MAP2K5: variants seen among roughly 807,000 people sequenced by gnomAD.
The protein encoded by MAP2K5 is mitogen-activated protein kinase kinase 5.
A neutral mutation model predicts 83.1 loss-of-function variants in MAP2K5; 49 were observed. That is an observed-to-expected ratio of 0.59 (90% CI 0.47 to 0.75). The LOEUF is 0.75. Ranked by LOEUF, MAP2K5 falls within the 30% of genes least tolerant of loss-of-function variation. The pLI, the probability that MAP2K5 is intolerant of heterozygous loss-of-function variation, is 0.00. For synonymous variants in MAP2K5, 202 were observed against 191.8 expected (o/e 1.05, Z -0.44); for missense variants, 457 against 557.5 (o/e 0.82, Z 1.82).
At chr15:67,797,902 C>T (rs2090632904) in intron 21 of MAP2K5, among the ~76,000 whole-genome samples, 1 of 152,100 alleles carries the variant, frequency 6.6e-6, no homozygotes, top group African/African-American at 2.4e-5. Context: ...AGGCTGGTCT[C>T]GAACTCCTGA....
At chr15:67,557,760 A>G (rs1262243898) in intron 2 of MAP2K5, among the ~76,000 whole-genome samples, 3 of 152,192 alleles carry the variant, frequency 2.0e-5, no homozygotes, top group Admixed American at 6.5e-5. Flanking sequence ...AGCCATGACA[A>G]TCTTGTTAAG....
At chr15:67,547,487 G>A (rs1054873577) in intron 1 of MAP2K5, among the ~76,000 whole-genome samples, 1 of 136,742 alleles carries the variant, frequency 7.3e-6, no homozygotes, top group Non-Finnish European at 1.5e-5. Flanking sequence ...ACAGAGTCTC[G>A]CTTTGTTGCC....
chr15:67,629,202 A>G, intron 8 of MAP2K5: 2 of 655,100 alleles, frequency 3.1e-6, no homozygotes. Flanking sequence ...GCTACAGGTT[A>G]CAACAGATTT....
rs1245323740 is a variant in MAP2K5, at chr15:67,572,346, G to T, written c.253-8408G>T. ...ATGATCATATCTCATATTGTCAGAG[G>T]CATTTGAGCCATAGCAACTCTGTTA... On this transcript the variant is annotated intron_variant, in intron 3 of 21. Transcript: ENST00000178640. This position sits in a 1 kb window ranked among gnomAD's most constrained non-coding sequence, Gnocchi z 4.2. Among the ~76,000 whole-genome samples, 2 of 152,136 alleles carry T rather than the reference G, an allele frequency of 1.3e-5. No individual in the cohort carries two copies. Among genetic ancestry groups the T allele is most frequent in the African/African-American group, 2.4e-5 (1 of 41,434 alleles).
At chr15:67,788,514 A>T (rs944854952) in intron 21 of MAP2K5, among the ~76,000 whole-genome samples, 1 of 152,240 alleles carries the variant, frequency 6.6e-6, no homozygotes, top group African/African-American at 2.4e-5. Context: ...TACCCACTGC[A>T]TGGAAAGGGG....
chr15:67,685,591 CATT>C (rs2087933855), intron 13 of MAP2K5, among the ~76,000 whole-genome samples: 1 of 151,820 alleles, frequency 6.6e-6, no homozygotes, highest in South Asian at 2.1e-4. Context: ...AAAATAAAGA[CATT>C]ATATTATGGA....
At position 67,677,759 on chromosome 15, in the gene MAP2K5, CTT is replaced by C. The variant is rs1289091275; in HGVS notation, c.847+13117_847+13118del. 6.6e-6 allele frequency among the ~76,000 whole-genome samples: 1 copy of C among 152,152 alleles called. No individual in the cohort carries two copies. Among genetic ancestry groups the C allele is most frequent in the Non-Finnish European group, 1.5e-5 (1 of 68,028 alleles). Reference sequence around the variant, plus strand: ...GATTCACCACTTTAGAAGGAAATCTCTTTTACTTACTATGAAAGGATTAAGAG... The same window carrying C: ...GATTCACCACTTTAGAAGGAAATCTCTTACTTACTATGAAAGGATTAAGAG... On this transcript the variant is annotated intron_variant, in intron 13 of 21. Coordinates refer to ENST00000178640, the MANE Select transcript of MAP2K5 (RefSeq NM_145160.3). The surrounding 1 kb of genome is among the most constrained non-coding windows in gnomAD (Gnocchi z 4.2).
chr15:67,547,074 G>T (rs977516353), intron 1 of MAP2K5, among the ~76,000 whole-genome samples: 1 of 9,448 alleles, frequency 1.1e-4, no homozygotes, highest in South Asian at 3.9e-3. Context: ...CAAAAAAGAA[G>T]AAAACACACA....
intron 13 of MAP2K5, among the ~76,000 whole-genome samples, chr15:67,687,555 T>C (rs1194535571): frequency 6.6e-6 from 1 of 152,202 alleles, no homozygotes; most frequent in Admixed American, 6.5e-5. Flanking sequence ...CAGCACCTAG[T>C]ACCATATCTG....
Position 67,702,144 on chromosome 15 carries a change from G to C in MAP2K5, c.973-1193G>C, listed in dbSNP as rs2088437051. ...GCTATTACTATCCTTCTTTTATAGT[G>C]GATACAGCACTCATAATGGTTAGTA... On this transcript the variant is annotated intron_variant, in intron 15 of 21. Transcript: ENST00000178640. The surrounding 1 kb of genome is among the most constrained non-coding windows in gnomAD (Gnocchi z 4.6). Among the ~76,000 whole-genome samples the C allele has an allele frequency of 6.6e-6, 1 of 152,112 alleles. No individual in the cohort carries two copies. The highest frequency in any genetic ancestry group is 6.5e-5 in the Admixed American group (1 of 15,272).
intron 13 of MAP2K5, among the ~76,000 whole-genome samples, chr15:67,679,385 C>T (rs1410257094): frequency 6.6e-6 from 1 of 152,030 alleles, no homozygotes; most frequent in Non-Finnish European, 1.5e-5. Context: ...TTGGCCAATT[C>T]AGTGGGGGGA....
At chr15:67,591,519 G>A (rs1257744093) in intron 6 of MAP2K5, among the ~76,000 whole-genome samples, 1 of 151,086 alleles carries the variant, frequency 6.6e-6, no homozygotes, top group Non-Finnish European at 1.5e-5. Context: ...ACAGGCGCCG[G>A]CCACCACACC....
At chr15:67,670,919 T>C (rs1448818642) in intron 13 of MAP2K5, among the ~76,000 whole-genome samples, 2 of 152,182 alleles carry the variant, frequency 1.3e-5, no homozygotes, top group Non-Finnish European at 2.9e-5. Context: ...CCCAGAGATA[T>C]TACCAAGAAC....
Position 67,801,253 on chromosome 15 carries a change from C to T in MAP2K5, c.1243-5393C>T, listed in dbSNP as rs1479570171. 6.6e-6 allele frequency among the ~76,000 whole-genome samples: 1 copy of T among 152,194 alleles called. No individual in the cohort carries two copies. Among genetic ancestry groups the T allele is most frequent in the East Asian group, 1.9e-4 (1 of 5,200 alleles). Reference sequence around the variant, plus strand: ...GGCAAAGGGATGGGCAGTGGGTTGGCATGTGGAGGTCCCTTCGGCCTCTCA... The same window carrying T: ...GGCAAAGGGATGGGCAGTGGGTTGGTATGTGGAGGTCCCTTCGGCCTCTCA... On this transcript the variant is annotated intron_variant, in intron 21 of 21. Coordinates refer to ENST00000178640, the MANE Select transcript of MAP2K5 (RefSeq NM_145160.3). This position sits in a 1 kb window ranked among gnomAD's most constrained non-coding sequence, Gnocchi z 4.8.
rs2088326263 is a variant in MAP2K5, at chr15:67,698,653, A to C, written c.973-4684A>C. 6.6e-6 allele frequency among the ~76,000 whole-genome samples: 1 copy of C among 152,226 alleles called. No individual in the cohort carries two copies. The highest frequency in any genetic ancestry group is 2.1e-4 in the South Asian group (1 of 4,836). On this transcript the variant is annotated intron_variant, in intron 15 of 21. Transcript: ENST00000178640. The surrounding 1 kb of genome is among the most constrained non-coding windows in gnomAD (Gnocchi z 4.5). ...TGAAGTTTTAAAATGAAAAAATCTT[A>C]CTCAAATACTTGGGATCAGAAAGTC...
chr15:67,590,446 CCTCTCTCTCT>C (rs57701485), intron 6 of MAP2K5, among the ~76,000 whole-genome samples: 1 of 30,544 alleles, frequency 3.3e-5, no homozygotes, highest in African/African-American at 1.2e-4. Flanking sequence ...TCCCTCCCTC[CCTCTCTCTCT>C]CTCTCTCTCT....
chr15:67,639,509 G>T (rs970363579), intron 9 of MAP2K5, among the ~76,000 whole-genome samples: 3 of 152,212 alleles, frequency 2.0e-5, no homozygotes, highest in Non-Finnish European at 4.4e-5. Context: ...GTGGAGCCAG[G>T]ATTTAAACAT....
chr15:67,625,067 G>A (rs541573584), intron 8 of MAP2K5, among the ~76,000 whole-genome samples: 12 of 152,140 alleles, frequency 7.9e-5, no homozygotes, highest in African/African-American at 2.9e-4. Context: ...TGAAAGAAGG[G>A]GATTAGGTTA....
rs569653944 is a variant in MAP2K5, at chr15:67,779,088, G to A, written c.1242+6336G>A. On this transcript the variant is annotated intron_variant, in intron 21 of 21. Transcript: ENST00000178640. This position sits in a 1 kb window ranked among gnomAD's most constrained non-coding sequence, Gnocchi z 4.6. ...TTGGAAGTAGCTCATTAGCTATGCC[G>A]CCCAGAATTTGCAGTGAGAAATACT... Among the ~76,000 whole-genome samples the A allele has an allele frequency of 9.2e-5, 14 of 152,248 alleles. No individual in the cohort carries two copies. In the South Asian group the frequency reaches 1.5e-3, roughly 16 times the overall value.
Sources: allele counts gnomAD v4.1 joint callset (sites outside exome capture counted in the v4.1 genomes callset), GRCh38; gene constraint gnomAD v4.1.1; non-coding constraint Gnocchi (gnomAD v3.1); transcripts MANE v1.5; gene names NCBI Gene and HGNC (gene_info 2026-07-23, HGNC 2026-07-21).